Variants in PAQR5 observed in about 807,000 individuals in gnomAD.
The protein encoded by PAQR5 is membrane progestin receptor gamma.
In PAQR5, 20 loss-of-function variants were observed where a neutral mutation model predicts 34.5. The observed-to-expected ratio is 0.58, with a 90% CI of 0.41 to 0.84. PAQR5 has a LOEUF of 0.84. PAQR5 is among the 40% of genes least tolerant of loss of function. PAQR5 has a pLI of 0.00. For synonymous variants in PAQR5, 131 were observed against 155.6 expected, an observed-to-expected ratio of 0.84 and a Z score of 1.18; for missense variants, 378 against 412.7, an observed-to-expected ratio of 0.92 and a Z score of 0.73.
intron 3 of PAQR5, among the ~76,000 whole-genome samples, chr15:69,370,938 C>T (rs1233266352): frequency 6.6e-6 from 1 of 152,144 alleles, no homozygotes; most frequent in Non-Finnish European, 1.5e-5. Flanking sequence ...CTAAATGTTA[C>T]ATTGATGAAT....
intron 1 of PAQR5, chr15:69,314,281 G>A (rs1451451922): frequency 6.6e-6 from 1 of 152,134 alleles, no homozygotes; most frequent in African/African-American, 2.4e-5. Flanking sequence ...AGCAGGAAGG[G>A]AAAGTGGCTG....
At chr15:69,370,898 A>G (rs1415576302) in intron 3 of PAQR5, among the ~76,000 whole-genome samples, 1 of 152,250 alleles carries the variant, frequency 6.6e-6, no homozygotes, top group Non-Finnish European at 1.5e-5. Flanking sequence ...AATATGAAAA[A>G]GAACTGAGTT....
intron 3 of PAQR5, among the ~76,000 whole-genome samples, chr15:69,365,135 C>T (rs2055365958): frequency 6.7e-6 from 1 of 149,792 alleles, no homozygotes; most frequent in Non-Finnish European, 1.5e-5. Context: ...GAGACAGAGT[C>T]TTGCTTTGTC....
chr15:69,358,233 T>C (rs183201163), intron 2 of PAQR5, among the ~76,000 whole-genome samples: 1 of 152,178 alleles, frequency 6.6e-6, no homozygotes, highest in Non-Finnish European at 1.5e-5. Context: ...GTGGTGCACA[T>C]TACTCACAGC....
Position 69,384,663 on chromosome 15 carries a change from CCT to C in PAQR5, c.180-11_180-10del, listed in dbSNP as rs764902190. 24 of 1,601,580 alleles carry C rather than the reference CCT, an allele frequency of 1.5e-5. No homozygotes were observed. In the South Asian group the frequency reaches 2.5e-4, roughly 17 times the overall value. On this transcript the variant is annotated splice_polypyrimidine_tract_variant and intron_variant, in intron 4 of 8. Transcript: ENST00000395407. ...TGTTCATGGTGGAGGGTGAGTGAGC[CCT>C]CTGTGTTCCAGGTTCTTTGCATGGA...
intron 2 of PAQR5, among the ~76,000 whole-genome samples, chr15:69,342,842 C>T (rs1284228817): frequency 6.6e-6 from 1 of 152,230 alleles, no homozygotes; most frequent in Non-Finnish European, 1.5e-5. Flanking sequence ...ACTCTCTGTT[C>T]TTCTCCAGCC....
intron 1 of PAQR5, among the ~76,000 whole-genome samples, chr15:69,300,892 T>TCTTTCTTTCTTTCTTC (rs1555411084): frequency 1.0e-4 from 2 of 20,050 alleles, no homozygotes; most frequent in East Asian, 1.8e-3. Flanking sequence ...TTTCTTTCTT[T>TCTTTCTTTCTTTCTTC]CTTCCTTCCT....
rs1179965144 is a variant in PAQR5, at chr15:69,382,783, TATATATATATATATGACC to T, written c.180-1879_180-1862del. 9.3e-3 allele frequency: 20 copies of T among 2,152 alleles called. 2 individuals are homozygous for T. Among genetic ancestry groups the T allele is most frequent in the African/African-American group, 0.02 (20 of 976 alleles). The allele number at this position is 2,152 out of a possible 1,614,324, so 0.1% of individuals were successfully genotyped here. ...ATGTGTATATATATGTGACCATATATATATATATATATATGACCATATATATATATATATATATATATA... is the reference window on the plus strand; with the variant it reads ...ATGTGTATATATATGTGACCATATATATATATATATATATATATATATATA... On this transcript the variant is annotated intron_variant, in intron 4 of 8. Coordinates refer to ENST00000395407, the MANE Select transcript of PAQR5 (RefSeq NM_017705.4).
At chr15:69,344,111 G>A (rs2054707474) in intron 2 of PAQR5, among the ~76,000 whole-genome samples, 1 of 152,198 alleles carries the variant, frequency 6.6e-6, no homozygotes. Context: ...TGAGATTACA[G>A]GCATGGGCCA....
At position 69,389,798 on chromosome 15, in the gene PAQR5, C is replaced by A. The variant is rs185662439; in HGVS notation, c.512+18C>A. On this transcript the variant is annotated intron_variant, in intron 6 of 8. Coordinates refer to ENST00000395407, the MANE Select transcript of PAQR5 (RefSeq NM_017705.4). ...TACTCCAGGTACTGGTCGCTCTGAC[C>A]TCAGATGGGAGGGGAGGGAGGGTCT... 6.2e-7 allele frequency: 1 copy of A among 1,613,528 alleles called. No homozygotes were observed. The highest frequency in any genetic ancestry group is 2.2e-5 in the East Asian group (1 of 44,864).
At chr15:69,352,868 G>T (rs1167510868) in intron 2 of PAQR5, among the ~76,000 whole-genome samples, 2 of 152,224 alleles carry the variant, frequency 1.3e-5, no homozygotes, top group Non-Finnish European at 2.9e-5. Context: ...TGGGGAAGAG[G>T]TATGTGGATG....
chr15:69,349,710 C>T lies in PAQR5; in HGVS notation c.-115-10256C>T, dbSNP rs1283024473. ...AGGCTGGAGTGCAATCGCATGGTCT[C>T]AGCTCACTGAAACCTCTGCCTCCTG... On this transcript the variant is annotated intron_variant, in intron 2 of 8. Transcript: ENST00000395407. 2.0e-5 allele frequency among the ~76,000 whole-genome samples: 3 copies of T among 151,508 alleles called. 1 individual carries two copies. Among genetic ancestry groups the T allele is most frequent in the South Asian group, 4.2e-4 (2 of 4,808 alleles).
intron 1 of PAQR5, among the ~76,000 whole-genome samples, chr15:69,327,491 C>G (rs1206495290): frequency 1.3e-5 from 2 of 152,072 alleles, no homozygotes; most frequent in African/African-American, 4.8e-5. Context: ...ACTCTAAGCT[C>G]CTGGAGGCAT....
Position 69,403,624 on chromosome 15 carries a change from G to A in PAQR5, c.795G>A (p.Thr265=), listed in dbSNP as rs570148662. The A allele has an allele frequency of 3.2e-5, 51 of 1,613,932 alleles. No individual in the cohort carries two copies. The highest frequency in any genetic ancestry group is 3.1e-4 in the South Asian group (28 of 91,078). The change falls in exon 9 of 9, where the codon ACG becomes ACA. Residue 265 remains threonine (T), a synonymous_variant. Coordinates refer to ENST00000395407, the MANE Select transcript of PAQR5 (RefSeq NM_017705.4). The part of the protein sequence containing the change: ...QLFHVCVILA[T]HMQMEAILLD... Reference sequence around the variant, plus strand: ...TTCACGTGTGTGTGATCCTGGCCACGCACATGCAGATGGAAGCCATACTTC... The same window carrying A: ...TTCACGTGTGTGTGATCCTGGCCACACACATGCAGATGGAAGCCATACTTC...
intron 3 of PAQR5, among the ~76,000 whole-genome samples, chr15:69,376,605 C>T (rs894438551): frequency 2.6e-5 from 4 of 152,130 alleles, no homozygotes; most frequent in Non-Finnish European, 4.4e-5. Context: ...CTGTATCCGT[C>T]CATTTATTTT....
chr15:69,310,344 A>G (rs2053803634), intron 1 of PAQR5, among the ~76,000 whole-genome samples: 1 of 152,200 alleles, frequency 6.6e-6, no homozygotes, highest in South Asian at 2.1e-4. Context: ...TAGAGTTTGT[A>G]AGAATGTACC....
In PAQR5 at chr15:69,326,396, AG is replaced by A. The variant is rs560659488; in HGVS notation, c.-276-10944del. Among the ~76,000 whole-genome samples, 17 of 151,714 alleles carry A rather than the reference AG, an allele frequency of 1.1e-4. No homozygotes were observed. In the South Asian group the frequency reaches 3.5e-3, roughly 32 times the overall value. On this transcript the variant is annotated intron_variant, in intron 1 of 8. Coordinates refer to ENST00000395407, the MANE Select transcript of PAQR5 (RefSeq NM_017705.4). ...CTGTTAGATCTTCAGATTTATCAAAAGAAACTGGGAGCGGGGTTTTTATGTT... is the reference window on the plus strand; with the variant it reads ...CTGTTAGATCTTCAGATTTATCAAAAAAACTGGGAGCGGGGTTTTTATGTT...
At chr15:69,353,906 C>A (rs1217690293) in intron 2 of PAQR5, among the ~76,000 whole-genome samples, 1 of 152,138 alleles carries the variant, frequency 6.6e-6, no homozygotes, top group Non-Finnish European at 1.5e-5. Context: ...GCTTCTTGTG[C>A]CTCTGAATCA....
At chr15:69,337,811 G>A (rs1201526516) in intron 2 of PAQR5, among the ~76,000 whole-genome samples, 1 of 151,844 alleles carries the variant, frequency 6.6e-6, no homozygotes, top group Non-Finnish European at 1.5e-5. Context: ...TAAAAAAATG[G>A]GGACTGAAAT....
Sources: allele counts gnomAD v4.1 joint callset (sites outside exome capture counted in the v4.1 genomes callset), GRCh38; gene constraint gnomAD v4.1.1; transcripts MANE v1.5; gene names NCBI Gene and HGNC (gene_info 2026-07-23, HGNC 2026-07-21).